The following CR1 variants were observed in gnomAD, a reference collection of about 807,000 sequenced individuals.
CR1 encodes the protein complement receptor type 1.
A neutral mutation model predicts 187.3 loss-of-function variants in CR1; 116 were observed. That is an observed-to-expected ratio of 0.62 (90% CI 0.53 to 0.72). The LOEUF (loss-of-function observed/expected upper bound fraction) is 0.72. Among genes scored for constraint, CR1 ranks in the 30% least tolerant of loss-of-function variants. The probability of loss-of-function intolerance (pLI) is 0.00; values close to 1 mark genes in which losing one functional copy is unlikely to be tolerated. For missense variants in CR1, 1,731 were observed against 2,110.7 expected (o/e 0.82, Z 3.52); for synonymous variants, 576 against 747.1 (o/e 0.77, Z 3.73).
chr1:207,578,158 C>G lies in CR1; in HGVS notation c.4891C>G (p.Gln1631Glu). 5.6e-6 allele frequency: 9 copies of G among 1,611,832 alleles called. No homozygotes were observed. Among genetic ancestry groups the G allele is most frequent in the Non-Finnish European group, 6.8e-6 (8 of 1,179,720 alleles). The change falls in exon 29 of 47, where the codon CAG becomes GAG. Residue 1631 changes from glutamine (Q) to glutamate (E), a missense_variant. Transcript: ENST00000367049. ...VMKGPRRVKC[Q>E]ALNKWEPELP... Reference sequence around the variant, plus strand: ...GAAAGGACCCCGCCGTGTGAAGTGCCAGGCCCTGAACAAATGGGAGCCAGA... The same window carrying G: ...GAAAGGACCCCGCCGTGTGAAGTGCGAGGCCCTGAACAAATGGGAGCCAGA...
intron 35 of CR1, among the ~76,000 whole-genome samples, chr1:207,597,631 G>A (rs1227281019): frequency 1.3e-5 from 2 of 152,122 alleles, no homozygotes; most frequent in East Asian, 1.9e-4. Flanking sequence ...AAATTAGAAC[G>A]CTTATACATT....
At chr1:207,567,750 A>C in intron 24 of CR1, 74 bp from the exon 25 acceptor site, 6 of 1,586,120 alleles carry the variant, frequency 3.8e-6, no homozygotes, top group Non-Finnish European at 5.2e-6. Context: ...AACACCAATC[A>C]TAGCACCCTG....
chr1:207,578,281 G>C (rs557063086), intron 29 of CR1, 78 bp downstream of exon 29: 2 of 1,610,768 alleles, frequency 1.2e-6, no homozygotes, highest in African/African-American at 2.7e-5. Context: ...TATTTGTTAA[G>C]GGGGAGGTAT....
chr1:207,587,264 T>G (rs1661137553), intron 33 of CR1, 122 bp from the exon 34 acceptor site: 3 of 805,374 alleles, frequency 3.7e-6, no homozygotes, highest in Non-Finnish European at 5.7e-6. Flanking sequence ...AAGAAAATCT[T>G]TTGCTATTCT....
At chr1:207,504,071 A>G (rs1327491420) in intron 1 of CR1, among the ~76,000 whole-genome samples, 4 of 152,222 alleles carry the variant, frequency 2.6e-5, no homozygotes. Flanking sequence ...CTAAGTGCTT[A>G]GCTAAGAGGG....
chr1:207,615,394 AAC>A (rs1259401411), intron 40 of CR1, among the ~76,000 whole-genome samples: 1 of 152,218 alleles, frequency 6.6e-6, no homozygotes, highest in Non-Finnish European at 1.5e-5. Context: ...GAGAAAATAA[AAC>A]AGAGTTATAT....
At chr1:207,598,221 G>T (rs1661502627) in intron 35 of CR1, among the ~76,000 whole-genome samples, 1 of 151,740 alleles carries the variant, frequency 6.6e-6, no homozygotes, top group Non-Finnish European at 1.5e-5. Context: ...CCCTTAAAAT[G>T]GTTTTAATGG....
At chr1:207,638,128 T>G (rs1662872959) in intron 46 of CR1, among the ~76,000 whole-genome samples, 1 of 152,244 alleles carries the variant, frequency 6.6e-6, no homozygotes, top group Non-Finnish European at 1.5e-5. Context: ...TTCTTTTTGC[T>G]TAACTGAGTT....
At chr1:207,519,490 A>G (rs1659908047) in intron 4 of CR1, among the ~76,000 whole-genome samples, 1 of 152,166 alleles carries the variant, frequency 6.6e-6, no homozygotes, top group Admixed American at 6.5e-5. Context: ...TGACTACTCT[A>G]GAGATAGACA....
At chr1:207,590,030 ACT>A (rs1244084548) in intron 35 of CR1, among the ~76,000 whole-genome samples, 1 of 152,150 alleles carries the variant, frequency 6.6e-6, no homozygotes, top group Non-Finnish European at 1.5e-5. Flanking sequence ...GTTGGAAAAC[ACT>A]CTTCAAGATA....
At chr1:207,621,266 A>C (rs1410942160) in intron 43 of CR1, among the ~76,000 whole-genome samples, 1 of 152,128 alleles carries the variant, frequency 6.6e-6, no homozygotes, top group Non-Finnish European at 1.5e-5. Flanking sequence ...CAAGAGCAAA[A>C]CATTTTTTAA....
chr1:207,564,476 G>A (rs116751824), intron 23 of CR1, among the ~76,000 whole-genome samples: 3,275 of 149,082 alleles, frequency 0.022, 99 homozygotes, highest in Non-Finnish European at 0.029. Context: ...AGTATAACTA[G>A]TGGTTATGAA....
chr1:207,635,815 T>A (rs199663022), intron 46 of CR1, among the ~76,000 whole-genome samples: 10 of 152,206 alleles, frequency 6.6e-5, no homozygotes, highest in Admixed American at 5.9e-4. Context: ...GTACTTGAGA[T>A]TAGGGAGTGG....
rs1309399752 is a variant in CR1 at position 207,577,812 on chromosome 1, T to C, written c.4545T>C (p.Pro1515=). 1.2e-6 allele frequency: 2 copies of C among 1,613,898 alleles called. No individual in the cohort carries two copies. The highest frequency in any genetic ancestry group is 4.5e-5 in the East Asian group (2 of 44,868). Residue 1515 remains proline, a synonymous_variant, in exon 29 of 47, where the codon CCT becomes CCC. Transcript: ENST00000367049. ...TTGCTGTCTCTTTTCCAGGAATTCC[T>C]TGTGGGCTACCCCCAACCATCGCCA... is the stretch of plus-strand genomic sequence containing the variant. The part of the protein sequence containing the change: ...STKPPICQRI[P]CGLPPTIANG...
rs148141507 is a variant in CR1, at chr1:207,618,007, G to A, written c.6890-64G>A. 130 of 1,535,252 alleles carry A rather than the reference G, an allele frequency of 8.5e-5. 1 individual carries two copies. The Middle Eastern group carries it at 1.6e-3, about 19-fold the overall frequency. ...AGCCAGAGATATTGGATGTGTTCAT[G>A]TATTCATATGTCTATGTTTAACTGA... On this transcript the variant is annotated intron_variant, in intron 41 of 46. Coordinates refer to ENST00000367049, the MANE Select transcript of CR1 (RefSeq NM_000651.6).
intron 35 of CR1, 113 bp downstream of exon 35, chr1:207,588,887 C>G: frequency 1.5e-6 from 1 of 680,926 alleles, no homozygotes; most frequent in East Asian, 2.7e-5. Flanking sequence ...TAAAAGCAAG[C>G]AATAGGACTT....
intron 5 of CR1, among the ~76,000 whole-genome samples, chr1:207,524,972 G>A (rs1346702091): frequency 2.0e-5 from 3 of 152,068 alleles, no homozygotes; most frequent in Non-Finnish European, 4.4e-5. Flanking sequence ...AGGCTGTACA[G>A]GAGGCATGGC....
chr1:207,588,541 A>G, intron 34 of CR1, 134 bp from the exon 35 acceptor site: 1 of 653,916 alleles, frequency 1.5e-6, no homozygotes, highest in South Asian at 1.9e-5. Flanking sequence ...TTGTCTGCCA[A>G]GTTTCCTCAA....
intron 35 of CR1, among the ~76,000 whole-genome samples, chr1:207,605,540 A>G (rs1174158764): frequency 1.3e-5 from 2 of 152,112 alleles, no homozygotes; most frequent in Non-Finnish European, 2.9e-5. Context: ...TTTCAGCCAT[A>G]CATAGGCTGG....
Sources: allele counts gnomAD v4.1 joint callset (sites outside exome capture counted in the v4.1 genomes callset), GRCh38; gene constraint gnomAD v4.1.1; transcripts MANE v1.5; gene names NCBI Gene and HGNC (gene_info 2026-07-23, HGNC 2026-07-21).